Variants in PRDM16 observed in about 807,000 individuals in gnomAD.
The protein encoded by PRDM16 is histone-lysine N-methyltransferase PRDM16.
PRDM16 carries 23 observed loss-of-function variants against 110.6 expected under a neutral mutation model. The ratio of observed to expected loss-of-function variants is 0.21; its 90% CI spans 0.15 to 0.29. The LOEUF (loss-of-function observed/expected upper bound fraction) is 0.29. PRDM16 is among the 10% of genes least tolerant of loss of function. The probability of loss-of-function intolerance (pLI) is 1.00; values close to 1 mark genes in which losing one functional copy is unlikely to be tolerated. For missense variants in PRDM16, 1,615 were observed against 1,794.3 expected, an observed-to-expected ratio of 0.90 and a Z score of 1.81; for synonymous variants, 799 against 781.8, an observed-to-expected ratio of 1.02 and a Z score of -0.37.
chr1:3,132,250 T>C (rs1280062689), intron 1 of PRDM16, among the ~76,000 whole-genome samples: 2 of 152,166 alleles, frequency 1.3e-5, no homozygotes, highest in Non-Finnish European at 2.9e-5. Flanking sequence ...CAGCGTGTTA[T>C]TATCTGGATG....
chr1:3,145,643 G>A (rs1403827465), intron 1 of PRDM16, among the ~76,000 whole-genome samples: 3 of 152,134 alleles, frequency 2.0e-5, no homozygotes, highest in Admixed American at 6.5e-5. Flanking sequence ...TGTGTGTCCT[G>A]CGTGGTCCGT....
At chr1:3,241,646 C>T (rs951964250) in intron 2 of PRDM16, among the ~76,000 whole-genome samples, 1 of 152,258 alleles carries the variant, frequency 6.6e-6, no homozygotes, top group African/African-American at 2.4e-5. Context: ...CGGACCAAGC[C>T]CACGTCAGAC....
intron 2 of PRDM16, among the ~76,000 whole-genome samples, chr1:3,210,758 A>C (rs1638864897): frequency 6.6e-6 from 1 of 151,778 alleles, no homozygotes; most frequent in African/African-American, 2.4e-5. Context: ...TGAGATGTTT[A>C]TTTCTTTATC....
At chr1:3,264,231 G>T (rs1242201750) in intron 3 of PRDM16, among the ~76,000 whole-genome samples, 2 of 152,326 alleles carry the variant, frequency 1.3e-5, no homozygotes, top group South Asian at 2.1e-4. Context: ...CTCTGCGGAG[G>T]GGCCTTAAGG....
chr1:3,343,198 T>C (rs1270386745), intron 3 of PRDM16, among the ~76,000 whole-genome samples: 1 of 149,704 alleles, frequency 6.7e-6, no homozygotes, highest in African/African-American at 2.5e-5. Context: ...TTTGAGTGAG[T>C]GTGAAAGAAT....
At chr1:3,180,637 AGC>A (rs925446068) in intron 1 of PRDM16, among the ~76,000 whole-genome samples, 4 of 146,486 alleles carry the variant, frequency 2.7e-5, no homozygotes, top group African/African-American at 1.0e-4. Flanking sequence ...GGGGCAGCCG[AGC>A]GCCATTCGCT....
intron 3 of PRDM16, among the ~76,000 whole-genome samples, chr1:3,310,376 C>T (rs1185988723): frequency 2.6e-5 from 4 of 152,150 alleles, no homozygotes; most frequent in East Asian, 3.9e-4. Flanking sequence ...GCCCCTGAAG[C>T]GCCCTCCCTC....
chr1:3,417,965 C>G lies in PRDM16; in HGVS notation c.2829C>G (p.Ile943Met). 1 of 1,581,984 alleles carries G rather than the reference C, an allele frequency of 6.3e-7. No homozygotes were observed. Among genetic ancestry groups the G allele is most frequent in the Non-Finnish European group, 8.6e-7 (1 of 1,161,716 alleles). Residue 943 changes from isoleucine to methionine, a missense_variant, in exon 11 of 17, where the codon ATC (isoleucine) becomes ATG (methionine). Ile to Met is a conservative substitution (Grantham distance 10). Coordinates refer to ENST00000270722, the MANE Select transcript of PRDM16 (RefSeq NM_022114.4). ...RSPPPTLSDP[I>M]LRKGKERYTC... The stretch of plus-strand genomic sequence containing the variant: ...CACCCCCAACGCTCTCCGACCCCAT[C>G]CTCAGGAAGGGCAAGGAGCGATACA...
chr1:3,201,230 A>G lies in PRDM16; in HGVS notation c.387+14756A>G, dbSNP rs936244271. ...GCCTTCAAACTCCATTCATATGATC[A>G]TAGGAGCTGGGGGGCTGGAGACAAA... On this transcript the variant is annotated intron_variant, in intron 2 of 16. Coordinates refer to ENST00000270722, the MANE Select transcript of PRDM16 (RefSeq NM_022114.4). This position sits in a 1 kb window ranked among gnomAD's most constrained non-coding sequence, Gnocchi z 4.1. Among the ~76,000 whole-genome samples, 3 of 152,226 alleles carry G rather than the reference A, an allele frequency of 2.0e-5. No individual in the cohort carries two copies. The highest frequency in any genetic ancestry group is 2.1e-4 in the South Asian group (1 of 4,834).
chr1:3,226,493 G>A (rs1422606397), intron 2 of PRDM16, among the ~76,000 whole-genome samples: 1 of 152,080 alleles, frequency 6.6e-6, no homozygotes, highest in African/African-American at 2.4e-5. Context: ...TGGCAAAGGC[G>A]GCCCTAAAAC....
chr1:3,277,381 G>A (rs1553286), intron 3 of PRDM16, among the ~76,000 whole-genome samples: 40,082 of 152,198 alleles, frequency 0.26, 8,052 homozygotes, highest in African/African-American at 0.55. Context: ...CACGTCAGCC[G>A]GGAAGGCTGC....
chr1:3,173,564 G>A (rs995566433), intron 1 of PRDM16, among the ~76,000 whole-genome samples: 1 of 152,220 alleles, frequency 6.6e-6, no homozygotes, highest in Non-Finnish European at 1.5e-5. Context: ...GGCTGGGAGG[G>A]GCGTTCGTGG....
chr1:3,325,598 C>G (rs1294438692), intron 3 of PRDM16, among the ~76,000 whole-genome samples: 1 of 152,230 alleles, frequency 6.6e-6, no homozygotes, highest in Non-Finnish European at 1.5e-5. Flanking sequence ...TAGGTGGCTT[C>G]AAACCACACA....
chr1:3,323,419 T>G lies in PRDM16; in HGVS notation c.439-61733T>G, dbSNP rs144178073. ...GCCGCCAGAAGCGATGAGCGGAAGC[T>G]GTTCCAGGCGCCAACAGAAGCTGCC... On this transcript the variant is annotated intron_variant, in intron 3 of 16. Transcript: ENST00000270722. Among the ~76,000 whole-genome samples, 1,241 of 152,364 alleles carry G rather than the reference T, an allele frequency of 8.1e-3. 13 individuals carry two copies. The highest frequency in any genetic ancestry group is 0.028 in the African/African-American group (1,173 of 41,588).
intron 3 of PRDM16, among the ~76,000 whole-genome samples, chr1:3,315,865 C>G (rs1407597061): frequency 2.0e-5 from 3 of 152,092 alleles, no homozygotes; most frequent in South Asian, 4.1e-4. Flanking sequence ...GGTGAGGGGC[C>G]CGGGATGAAT....
chr1:3,222,735 G>A (rs1212009938), intron 2 of PRDM16, among the ~76,000 whole-genome samples: 2 of 152,238 alleles, frequency 1.3e-5, no homozygotes, highest in Non-Finnish European at 2.9e-5. Context: ...GCAGTGGGGC[G>A]AGGACCAGCA....
intron 3 of PRDM16, among the ~76,000 whole-genome samples, chr1:3,335,263 A>G (rs961217832): frequency 6.6e-5 from 10 of 152,168 alleles, no homozygotes; most frequent in Non-Finnish European, 1.2e-4. Context: ...AGATCACCAC[A>G]CCGAGGAAGG....
In PRDM16 at chr1:3,436,060, C is replaced by T. The variant is rs1638901670; in HGVS notation, c.*2249C>T. ...TTTCCACAACATCCCCTGGGTCAGA[C>T]CCACCAGGTACCCCGTAGGAATTTC... On this transcript the variant is annotated 3_prime_UTR_variant, in exon 17 of 17. Transcript: ENST00000270722. 2 of 231,002 alleles carry T rather than the reference C, an allele frequency of 8.7e-6. No individual in the cohort carries two copies. The highest frequency in any genetic ancestry group is 1.2e-4 in the East Asian group (2 of 16,300). 14.3% of individuals were successfully genotyped at this position (231,002 alleles called of 1,614,324 possible).
chr1:3,409,077 G>T (rs373384509), intron 8 of PRDM16, among the ~76,000 whole-genome samples: 1 of 151,358 alleles, frequency 6.6e-6, no homozygotes, highest in African/African-American at 2.4e-5. Flanking sequence ...ACGTGACAGC[G>T]TGAGTGTGGG....
Sources: gnomAD v4.1 joint callset for allele counts (sites outside exome capture counted in the v4.1 genomes callset) on GRCh38, gnomAD v4.1.1 for gene constraint, Gnocchi (gnomAD v3.1) non-coding constraint, MANE v1.5 for transcripts, NCBI Gene and HGNC (gene_info 2026-07-23, HGNC 2026-07-21) for gene names.